ZFAT: variants seen among roughly 807,000 people sequenced by gnomAD.
ZFAT encodes zinc finger and AT-hook domain containing.
A neutral mutation model predicts 117.7 loss-of-function variants in ZFAT; 64 were observed. The observed-to-expected ratio is 0.54, with a 90% CI of 0.44 to 0.67. The LOEUF is 0.67. ZFAT is among the 30% of genes least tolerant of loss of function. ZFAT has a pLI of 0.00. For missense variants in ZFAT, 1,433 were observed against 1,584.5 expected (o/e 0.90, Z 1.62); for synonymous variants, 679 against 615.0 (o/e 1.10, Z -1.54).
intron 1 of ZFAT, among the ~76,000 whole-genome samples, chr8:134,708,349 CTATT>C (rs1204435488): frequency 2.0e-5 from 3 of 152,038 alleles, no homozygotes; most frequent in Admixed American, 6.6e-5. Context: ...AAAATGATAA[CTATT>C]TGAGCTGATG....
At chr8:134,747,495 A>T in the ZFAT span, among the ~76,000 whole-genome samples, 1 of 152,360 alleles carries the variant, frequency 6.6e-6, no homozygotes, top group Middle Eastern at 3.4e-3. Flanking sequence ...ATAGATTTTT[A>T]AAAAGCATTT....
chr8:134,595,688 C>A (rs753052518), intron 7 of ZFAT, among the ~76,000 whole-genome samples: 2 of 152,172 alleles, frequency 1.3e-5, no homozygotes, highest in Non-Finnish European at 2.9e-5. Context: ...TTCCTCAATG[C>A]CAAGACATCT....
rs1832298649 is a variant in ZFAT at position 134,667,578 on chromosome 8, T to TACAC, written c.20-9845_20-9842dup. On this transcript the variant is annotated intron_variant, in intron 1 of 15. Coordinates refer to ENST00000377838, the MANE Select transcript of ZFAT (RefSeq NM_020863.4). ...ACATATGTAACAAACCTTCATGTTC[T>TACAC]ACACATGTATCCAAGAACTTAAAAG... Among the ~76,000 whole-genome samples the TACAC allele has an allele frequency of 2.0e-5, 3 of 150,628 alleles. No individual in the cohort carries two copies. In the South Asian group the frequency reaches 6.3e-4, roughly 32 times the overall value.
intron 10 of ZFAT, among the ~76,000 whole-genome samples, chr8:134,583,176 C>G (rs1046416457): frequency 2.4e-4 from 37 of 152,044 alleles, no homozygotes; most frequent in African/African-American, 8.9e-4. Flanking sequence ...CTGCACTTAC[C>G]TTTACCGTGG....
the ZFAT span, among the ~76,000 whole-genome samples, chr8:134,812,068 T>TGGGA: frequency 6.6e-6 from 1 of 152,118 alleles, no homozygotes; most frequent in East Asian, 1.9e-4. Context: ...AGCCTGAACC[T>TGGGA]GGGAGGCAGA....
At chr8:134,565,925 C>CCTTGGTCTTAAAAAG (rs1563856273) in intron 10 of ZFAT, among the ~76,000 whole-genome samples, 1 of 152,104 alleles carries the variant, frequency 6.6e-6, no homozygotes, top group African/African-American at 2.4e-5. Flanking sequence ...GGGTCTGGAC[C>CCTTGGTCTTAAAAAG]ATCTCACAAG....
At position 134,601,958 on chromosome 8, in the gene ZFAT, C is replaced by T. The variant is rs1355069716; in HGVS notation, c.1761G>A (p.Leu587=). Residue 587 remains leucine, a synonymous_variant, in exon 6 of 16, where the codon CTG becomes CTA. Coordinates refer to ENST00000377838, the MANE Select transcript of ZFAT (RefSeq NM_020863.4). ...LETTVVSSSD[L]HSQEVVSDDF... ...CATCTGAAACCACCTCTTGAGAATG[C>T]AGGTCTGAGGAGGAGACCACGGTGG... The T allele has an allele frequency of 3.7e-6, 6 of 1,613,838 alleles. No homozygotes were observed. The highest frequency in any genetic ancestry group is 3.3e-5 in the Admixed American group (2 of 60,002).
chr8:134,703,085 T>C (rs1834059460), intron 1 of ZFAT, among the ~76,000 whole-genome samples: 1 of 152,228 alleles, frequency 6.6e-6, no homozygotes, highest in South Asian at 2.1e-4. Context: ...GCAAACTATT[T>C]TCCAAAGTAG....
At chr8:134,512,340 T>A in intron 14 of ZFAT, 135 bp downstream of exon 14, 1 of 1,330,580 alleles carries the variant, frequency 7.5e-7, no homozygotes, top group Non-Finnish European at 1.0e-6. Flanking sequence ...ATGGGGCTGC[T>A]TCTGCAGTCT....
intron 2 of ZFAT, among the ~76,000 whole-genome samples, chr8:134,639,570 G>T (rs1237452889): frequency 1.3e-5 from 2 of 152,218 alleles, no homozygotes; most frequent in East Asian, 3.8e-4. Flanking sequence ...GGAGAAAAAA[G>T]CCTGTGTTTA....
the ZFAT span, among the ~76,000 whole-genome samples, chr8:134,739,747 T>C: frequency 4.1e-4 from 62 of 152,244 alleles, no homozygotes; most frequent in Non-Finnish European, 6.0e-4. Flanking sequence ...AAAGAAACCA[T>C]AGGGTCTGAT....
chr8:134,771,045 G>T, the ZFAT span, among the ~76,000 whole-genome samples: 1 of 152,094 alleles, frequency 6.6e-6, no homozygotes, highest in African/African-American at 2.4e-5. Flanking sequence ...CTGTGATCTC[G>T]CCCTCCCTCC....
intron 15 of ZFAT, among the ~76,000 whole-genome samples, chr8:134,501,301 C>G (rs1421931541): frequency 1.3e-5 from 2 of 152,184 alleles, no homozygotes; most frequent in African/African-American, 2.4e-5. Context: ...ATGCAATTCT[C>G]TTGCCTGGGT....
the ZFAT span, chr8:134,765,593 C>T: frequency 3.3e-5 from 5 of 152,130 alleles, no homozygotes; most frequent in Non-Finnish European, 7.3e-5. Context: ...TGGATTCAGA[C>T]CCAAGCCTGT....
chr8:134,629,684 C>T (rs1014678240), intron 3 of ZFAT, among the ~76,000 whole-genome samples: 15 of 152,312 alleles, frequency 9.8e-5, no homozygotes, highest in African/African-American at 2.4e-4. Flanking sequence ...CATATAAAGA[C>T]GGTCCTTGCT....
At chr8:134,691,398 C>G (rs1040820478) in intron 1 of ZFAT, among the ~76,000 whole-genome samples, 4 of 152,272 alleles carry the variant, frequency 2.6e-5, no homozygotes, top group Admixed American at 6.5e-5. Context: ...GGCGCCTCCA[C>G]GGACACAGTG....
At chr8:134,755,303 C>T in the ZFAT span, among the ~76,000 whole-genome samples, 1 of 149,042 alleles carries the variant, frequency 6.7e-6, no homozygotes, top group Non-Finnish European at 1.5e-5. Context: ...GTCCCAGCTA[C>T]TTGGGAGGCT....
chr8:134,502,409 T>C (rs1400218762), intron 15 of ZFAT, among the ~76,000 whole-genome samples: 3 of 152,270 alleles, frequency 2.0e-5, no homozygotes, highest in African/African-American at 4.8e-5. Flanking sequence ...AACTGGTGTA[T>C]ATGGTCTCCA....
At chr8:134,832,225 C>CGCG in the ZFAT span, among the ~76,000 whole-genome samples, 1 of 151,648 alleles carries the variant, frequency 6.6e-6, no homozygotes, top group African/African-American at 2.4e-5. Context: ...CGTCATGGCG[C>CGCG]GCGGCGGCGG....
Sources: gnomAD v4.1 joint callset for allele counts (sites outside exome capture counted in the v4.1 genomes callset) on GRCh38, gnomAD v4.1.1 for gene constraint, MANE v1.5 for transcripts, NCBI Gene and HGNC (gene_info 2026-07-23, HGNC 2026-07-21) for gene names.